TMC1: variants seen among roughly 807,000 people sequenced by gnomAD.
TMC1 encodes transmembrane channel-like protein 1.
TMC1 carries 84 observed loss-of-function variants against 105.8 expected under a neutral mutation model. The ratio of observed to expected loss-of-function variants is 0.79; its 90% CI spans 0.67 to 0.95. The LOEUF is 0.95. Among genes scored for constraint, TMC1 ranks in the 40% least tolerant of loss-of-function variants. TMC1 has a pLI of 0.00. For missense variants in TMC1, 817 were observed against 914.1 expected (o/e 0.89, Z 1.37); for synonymous variants, 315 against 311.5 (o/e 1.01, Z -0.12).
chr9:72,803,189 T>C (rs1300259867), intron 17 of TMC1, among the ~76,000 whole-genome samples: 1 of 152,018 alleles, frequency 6.6e-6, no homozygotes, highest in East Asian at 1.9e-4. Context: ...ATGCAGAAAA[T>C]TGAAATGGGA....
intron 18 of TMC1, among the ~76,000 whole-genome samples, chr9:72,809,851 T>A (rs1828667955): frequency 6.6e-6 from 1 of 152,128 alleles, no homozygotes. Context: ...ATTCTCCAGT[T>A]CCTCATACTC....
At chr9:72,562,271 G>A (rs547047179) in intron 1 of TMC1, among the ~76,000 whole-genome samples, 35 of 152,208 alleles carry the variant, frequency 2.3e-4, no homozygotes, top group African/African-American at 8.4e-4. Flanking sequence ...GAGGGTCACT[G>A]GCTTTACATT....
chr9:72,753,286 C>CTTTT lies in TMC1; in HGVS notation c.642+1349_642+1352dup, dbSNP rs5898269. Among the ~76,000 whole-genome samples the CTTTT allele has an allele frequency of 7.5e-3, 612 of 81,744 alleles. 25 individuals are homozygous for CTTTT. Among genetic ancestry groups the CTTTT allele is most frequent in the African/African-American group, 0.02 (378 of 18,996 alleles). 53.6% of individuals were successfully genotyped at this position (81,744 alleles called of 152,430 possible). On this transcript the variant is annotated intron_variant, in intron 11 of 23. Coordinates refer to ENST00000297784, the MANE Select transcript of TMC1 (RefSeq NM_138691.3). ...TTTATCTATTTCAAATTAACCCCAG[C>CTTTT]TTTTTTTTTTTTTTTTTTTTTTGCT...
At chr9:72,645,096 A>G (rs541349483) in intron 4 of TMC1, among the ~76,000 whole-genome samples, 3 of 152,328 alleles carry the variant, frequency 2.0e-5, no homozygotes, top group African/African-American at 4.8e-5. Context: ...CGAAGCCCAC[A>G]GCAGCAGACC....
intron 12 of TMC1, among the ~76,000 whole-genome samples, 187 bp downstream of exon 12, chr9:72,755,071 G>GGAGAGAGAGAGAGAGAGAGA (rs55848138): frequency 1.6e-5 from 2 of 126,932 alleles, no homozygotes; most frequent in Non-Finnish European, 3.2e-5. Flanking sequence ...AGGGAGGGAG[G>GGAGAGAGAGAGAGAGAGAGA]GAGAGAGAGA....
intron 1 of TMC1, among the ~76,000 whole-genome samples, chr9:72,554,385 T>A (rs1823898710): frequency 6.6e-6 from 1 of 152,222 alleles, no homozygotes; most frequent in Admixed American, 6.5e-5. Context: ...GTTGACCATG[T>A]GGACCTGAAT....
chr9:72,671,951 TAAAGG>T (rs2132169445), intron 5 of TMC1, among the ~76,000 whole-genome samples: 1 of 152,318 alleles, frequency 6.6e-6, no homozygotes, highest in South Asian at 2.1e-4. Context: ...CTTAATTTCT[TAAAGG>T]AAGAAAGATG....
intron 8 of TMC1, among the ~76,000 whole-genome samples, chr9:72,738,788 CTT>C (rs1482988298): frequency 7.2e-5 from 11 of 151,954 alleles, no homozygotes. Flanking sequence ...GTTGAAGGGT[CTT>C]TTCTGTAAAA....
intron 8 of TMC1, among the ~76,000 whole-genome samples, chr9:72,719,465 C>A (rs1338776194): frequency 6.6e-6 from 1 of 152,130 alleles, no homozygotes; most frequent in African/African-American, 2.4e-5. Context: ...TTTAGGTTCC[C>A]CAGTGAGTGT....
chr9:72,614,111 C>G (rs1825081962), intron 2 of TMC1, among the ~76,000 whole-genome samples: 1 of 152,178 alleles, frequency 6.6e-6, no homozygotes, highest in Non-Finnish European at 1.5e-5. Context: ...TTGAACTGAA[C>G]TGATATTTCC....
chr9:72,711,451 A>G (rs146844955), intron 8 of TMC1, among the ~76,000 whole-genome samples: 1 of 152,260 alleles, frequency 6.6e-6, no homozygotes, highest in East Asian at 1.9e-4. Flanking sequence ...CTTTTTAATG[A>G]TCACCATTCT....
At chr9:72,641,001 A>G (rs1825619392) in intron 4 of TMC1, among the ~76,000 whole-genome samples, 1 of 152,206 alleles carries the variant, frequency 6.6e-6, no homozygotes, top group Admixed American at 6.5e-5. Flanking sequence ...TTCATGTGGC[A>G]GACAATATGG....
intron 8 of TMC1, among the ~76,000 whole-genome samples, chr9:72,732,630 C>G (rs1485220571): frequency 6.6e-6 from 1 of 151,714 alleles, no homozygotes; most frequent in Non-Finnish European, 1.5e-5. Flanking sequence ...ACCTGGTGTG[C>G]CAGGTACTGC....
intron 11 of TMC1, 131 bp downstream of exon 11, chr9:72,752,087 A>G: frequency 1.4e-6 from 1 of 729,484 alleles, no homozygotes; most frequent in Non-Finnish European, 2.4e-6. Context: ...TTGTAATGAG[A>G]TTAACCTTCA....
chr9:72,819,100 T>C (rs1828832052), intron 19 of TMC1, among the ~76,000 whole-genome samples: 1 of 152,188 alleles, frequency 6.6e-6, no homozygotes, highest in African/African-American at 2.4e-5. Flanking sequence ...AAGGAACATG[T>C]TCAATGTGGG....
chr9:72,556,202 C>T (rs983386896), intron 1 of TMC1, among the ~76,000 whole-genome samples: 3 of 150,544 alleles, frequency 2.0e-5, no homozygotes, highest in Admixed American at 2.0e-4. Context: ...CTGCAACCTT[C>T]GCCTTCTGGG....
chr9:72,747,578 G>C (rs574132567), intron 10 of TMC1, among the ~76,000 whole-genome samples: 3 of 151,986 alleles, frequency 2.0e-5, no homozygotes, highest in African/African-American at 7.2e-5. Context: ...CTGTTTTTTG[G>C]TTGTTGTTGT....
At chr9:72,802,836 C>T (rs1410295462) in intron 17 of TMC1, among the ~76,000 whole-genome samples, 1 of 152,096 alleles carries the variant, frequency 6.6e-6, no homozygotes, top group Non-Finnish European at 1.5e-5. Flanking sequence ...AATGCTATTT[C>T]CATTAAACCA....
At chr9:72,569,892 T>G (rs1180331526) in intron 1 of TMC1, among the ~76,000 whole-genome samples, 1 of 152,114 alleles carries the variant, frequency 6.6e-6, no homozygotes, top group Admixed American at 6.6e-5. Context: ...AAGGGTTAAG[T>G]CCTGAGGCGT....
Sources: allele counts gnomAD v4.1 joint callset (sites outside exome capture counted in the v4.1 genomes callset), GRCh38; gene constraint gnomAD v4.1.1; transcripts MANE v1.5; gene names NCBI Gene and HGNC (gene_info 2026-07-23, HGNC 2026-07-21).